The following METRNL variants were observed in gnomAD, a reference collection of about 807,000 sequenced individuals.
METRNL encodes the protein meteorin-like protein.
Under a neutral mutation model 17.4 loss-of-function variants are expected in METRNL, and 9 were observed. The observed-to-expected ratio is 0.52, with a 90% confidence interval of 0.31 to 0.90. The LOEUF is 0.90. METRNL is among the 40% of genes least tolerant of loss of function. METRNL has a pLI of 0.05. For missense variants in METRNL, 408 were observed against 430.7 expected (o/e 0.95, Z 0.47); for synonymous variants, 215 against 199.3 (o/e 1.08, Z -0.66).
rs756002095 is a variant in METRNL, at chr17:83,094,498, C to T, written c.859C>T (p.Arg287Cys). ...GGAGGCGCGGCTCGGCTGTGCCCCA[C>T]GCTTCAAGGACTTCCAGAGGATGTA... Reference protein sequence around the residue: ...FGEARLGCAPRFKDFQRMYRD... With the variant: ...FGEARLGCAPCFKDFQRMYRD... The change falls in exon 4 of 4, where the codon CGC (arginine) becomes TGC (cysteine). Residue 287 changes from arginine (R) to cysteine (C), a missense_variant. Transcript: ENST00000320095. 8.3e-6 allele frequency: 13 copies of T among 1,567,110 alleles called. No individual in the cohort carries two copies. The highest frequency in any genetic ancestry group is 2.3e-5 in the East Asian group (1 of 43,820).
At chr17:83,080,565 A>ACCC (rs1161469227) in intron 1 of METRNL, among the ~76,000 whole-genome samples, 1 of 22,000 alleles carries the variant, frequency 4.5e-5, no homozygotes, top group Non-Finnish European at 7.3e-5. Flanking sequence ...GCGCTGGGCG[A>ACCC]CCCCCCCCCC....
At chr17:83,093,056 C>G (rs530088822) in intron 2 of METRNL, 111 bp from the exon 3 acceptor site, 2 of 844,364 alleles carry the variant, frequency 2.4e-6, no homozygotes, top group Non-Finnish European at 3.8e-6. Context: ...TTGACGTGGA[C>G]ACCCTCCCTG....
In METRNL at chr17:83,085,230, GC is replaced by G; in HGVS notation, c.465del (p.Thr156ArgfsTer43). On this transcript the variant is annotated frameshift_variant, in exon 2 of 4. Coordinates refer to ENST00000320095, the MANE Select transcript of METRNL (RefSeq NM_001004431.3). LOFTEE classifies it high-confidence loss of function. ...GGAGCAGGGCGGCCTGTTCGTGGAG[GC>G]CACGCCGCAGCAGGATATCGGCCGG... ...GLEQGGLFVE[A>X]TPQQDIGRRT... The G allele has an allele frequency of 6.3e-7, 1 of 1,593,550 alleles. No homozygotes were observed. Among genetic ancestry groups the G allele is most frequent in the Non-Finnish European group, 8.6e-7 (1 of 1,168,460 alleles).
At chr17:83,086,145 A>G (rs2038050696) in intron 2 of METRNL, among the ~76,000 whole-genome samples, 1 of 152,012 alleles carries the variant, frequency 6.6e-6, no homozygotes, top group Non-Finnish European at 1.5e-5. Flanking sequence ...GGGCCGTGTG[A>G]CCTCCATGGT....
In METRNL at chr17:83,093,167, C is replaced by T. The variant is rs376933401; in HGVS notation, c.557C>T (p.Ala186Val). Residue 186 changes from alanine to valine, a missense_variant and splice_region_variant, in exon 3 of 4, where the codon GCG becomes GTG. By Grantham distance (64) the Ala-to-Val change is moderately conservative. Coordinates refer to ENST00000320095, the MANE Select transcript of METRNL (RefSeq NM_001004431.3). ...TCCTGACTCTGCCTTTCTTCTCCAG[C>T]GCCGTGCCGTCCCTGCAGTGACACC... Reference protein sequence around the residue: ...HRASDLHELSAPCRPCSDTEV... With the variant: ...HRASDLHELSVPCRPCSDTEV... 1.9e-4 allele frequency: 309 copies of T among 1,607,402 alleles called. 1 individual carries two copies. The highest frequency in any genetic ancestry group is 1.2e-3 in the South Asian group (109 of 91,066).
At chr17:83,088,001 G>A (rs1271304890) in intron 2 of METRNL, among the ~76,000 whole-genome samples, 1 of 152,216 alleles carries the variant, frequency 6.6e-6, no homozygotes, top group Non-Finnish European at 1.5e-5. Context: ...GTGCGTTCAT[G>A]CTGCATAATC....
chr17:83,092,540 G>T lies in METRNL; in HGVS notation c.557-627G>T, dbSNP rs140223864. 926 of 148,334 alleles carry T rather than the reference G, an allele frequency of 6.2e-3. 5 individuals carry two copies. The highest frequency in any genetic ancestry group is 0.01 in the Non-Finnish European group (677 of 66,922). 9.2% of individuals were successfully genotyped at this position (148,334 alleles called of 1,614,324 possible). A position where few individuals can be genotyped will look rare whatever the true frequency, so the allele number is the denominator to read the frequency against. Reference sequence around the variant, plus strand: ...GTTGGGGGCGACTCTGGGAGGTGGGGGTGCTCCTGGCGCCGTGGGCTGTGG... The same window carrying T: ...GTTGGGGGCGACTCTGGGAGGTGGGTGTGCTCCTGGCGCCGTGGGCTGTGG... On this transcript the variant is annotated intron_variant, in intron 2 of 3. Coordinates refer to ENST00000320095, the MANE Select transcript of METRNL (RefSeq NM_001004431.3).
At chr17:83,087,525 T>A (rs564509986) in intron 2 of METRNL, among the ~76,000 whole-genome samples, 1 of 152,250 alleles carries the variant, frequency 6.6e-6, no homozygotes, top group Admixed American at 6.5e-5. Context: ...AGGAGGCTGA[T>A]ACCTCTCCTC....
intron 2 of METRNL, among the ~76,000 whole-genome samples, chr17:83,087,999 A>AT (rs1437529643): frequency 1.3e-5 from 2 of 152,200 alleles, no homozygotes; most frequent in Non-Finnish European, 2.9e-5. Context: ...TGGTGCGTTC[A>AT]TGCTGCATAA....
In METRNL at chr17:83,079,758, C is replaced by CGGGGTCTGCTCCG; in HGVS notation, c.-51_-39dup. Reference sequence around the variant, plus strand: ...CCGCCCCCGCCCGGCTCGCCGGCTCCGGGGTCTGCTCCGGGGGTCGCGGAC... The same window carrying CGGGGTCTGCTCCG: ...CCGCCCCCGCCCGGCTCGCCGGCTCCGGGGTCTGCTCCGGGGGTCTGCTCCGGGGGTCGCGGAC... On this transcript the variant is annotated 5_prime_UTR_variant, in exon 1 of 4. Coordinates refer to ENST00000320095, the MANE Select transcript of METRNL (RefSeq NM_001004431.3). 1.2e-6 allele frequency: 1 copy of CGGGGTCTGCTCCG among 868,208 alleles called. No individual in the cohort carries two copies. The highest frequency in any genetic ancestry group is 5.3e-5 in the South Asian group (1 of 19,020). The allele number at this position is 868,208 out of a possible 1,614,324, so 53.8% of individuals were successfully genotyped here.
chr17:83,085,518 G>C lies in METRNL; in HGVS notation c.556+195G>C, dbSNP rs966796466. On this transcript the variant is annotated intron_variant, in intron 2 of 3. Transcript: ENST00000320095. ...CTGGGGTTGGGGGACACTGGCGCCC[G>C]CAGAGGGGCCCTCCTAGGGGGTGTG... is the stretch of plus-strand genomic sequence containing the variant. Among the ~76,000 whole-genome samples, 142 of 152,132 alleles carry C rather than the reference G, an allele frequency of 9.3e-4. 1 individual carries two copies. Among genetic ancestry groups the C allele is most frequent in the African/African-American group, 3.1e-3 (129 of 41,450 alleles).
chr17:83,090,006 G>C (rs908486816), intron 2 of METRNL, among the ~76,000 whole-genome samples: 2 of 151,990 alleles, frequency 1.3e-5, no homozygotes, highest in Admixed American at 1.3e-4. Flanking sequence ...TCGGCCGTCC[G>C]CTGAGGTCGT....
intron 2 of METRNL, among the ~76,000 whole-genome samples, chr17:83,090,765 G>A (rs138581506): frequency 6.5e-4 from 98 of 151,900 alleles, no homozygotes; most frequent in Admixed American, 1.0e-3. Flanking sequence ...CCTGTGGTAC[G>A]GGGCAGGTGC....
At chr17:83,081,382 G>C (rs550686880) in intron 1 of METRNL, among the ~76,000 whole-genome samples, 1 of 152,152 alleles carries the variant, frequency 6.6e-6, no homozygotes, top group African/African-American at 2.4e-5. Context: ...CACCCAGGCC[G>C]AGTGTGTCGA....
chr17:83,088,113 GGGACCCGGCCCCAGGA>G (rs1281318906), intron 2 of METRNL, among the ~76,000 whole-genome samples: 1 of 152,226 alleles, frequency 6.6e-6, no homozygotes, highest in Non-Finnish European at 1.5e-5. Flanking sequence ...CAGGCGGGAG[GGGACCCGGCCCCAGGA>G]CCTTGGGATT....
chr17:83,080,554 T>C (rs1462636692), intron 1 of METRNL, among the ~76,000 whole-genome samples: 1 of 60,784 alleles, frequency 1.6e-5, no homozygotes, highest in Non-Finnish European at 2.9e-5. Flanking sequence ...CGGCGCGCGC[T>C]GCGCTGGGCG....
At chr17:83,093,410 C>T (rs566118800) in intron 3 of METRNL, among the ~76,000 whole-genome samples, 184 bp downstream of exon 3, 6 of 152,204 alleles carry the variant, frequency 3.9e-5, no homozygotes, top group Non-Finnish European at 5.9e-5. Context: ...GGGACAGGGA[C>T]GCCACCGCCC....
chr17:83,085,201 G>A lies in METRNL; in HGVS notation c.434G>A (p.Gly145Asp). Residue 145 changes from glycine to aspartate, a missense_variant, in exon 2 of 4, where the codon GGC (glycine) becomes GAC (aspartate). By Grantham distance (94) the Gly-to-Asp change is moderately conservative. Transcript: ENST00000320095. ...DGRPGRVQCF[G>D]LEQGGLFVEA... ...AGGCCCGGCCGGGTGCAGTGTTTTG[G>A]CCTGGAGCAGGGCGGCCTGTTCGTG... The A allele has an allele frequency of 1.2e-6, 2 of 1,609,390 alleles. No homozygotes were observed. Among genetic ancestry groups the A allele is most frequent in the South Asian group, 2.2e-5 (2 of 90,714 alleles).
At chr17:83,094,182 C>T in intron 3 of METRNL, 74 bp from the exon 4 acceptor site, 1 of 1,274,580 alleles carries the variant, frequency 7.8e-7, no homozygotes, top group East Asian at 2.6e-5. Flanking sequence ...GATGCGGGGG[C>T]AGGGGGAGGT....
Sources: allele counts gnomAD v4.1 joint callset (sites outside exome capture counted in the v4.1 genomes callset), GRCh38; gene constraint gnomAD v4.1.1; transcripts MANE v1.5; gene names NCBI Gene and HGNC (gene_info 2026-07-23, HGNC 2026-07-21).